The following PARP8 variants were observed in gnomAD, a reference collection of about 807,000 sequenced individuals.
The protein encoded by PARP8 is poly(ADP-ribose) polymerase family member 8.
In PARP8, 51 loss-of-function variants were observed where a neutral mutation model predicts 124.1. That is an observed-to-expected ratio of 0.41 (90% CI 0.33 to 0.52). PARP8 has a LOEUF of 0.52. Ranked by LOEUF, PARP8 falls within the 20% of genes least tolerant of loss-of-function variation. The pLI, the probability that PARP8 is intolerant of heterozygous loss-of-function variation, is 0.21. For synonymous variants in PARP8, 391 were observed against 361.5 expected, an observed-to-expected ratio of 1.08 and a Z score of -0.93; for missense variants, 860 against 1,018.9, an observed-to-expected ratio of 0.84 and a Z score of 2.12.
At chr5:50,820,717 C>G in intron 15 of PARP8, among the ~76,000 whole-genome samples, 1 of 152,202 alleles carries the variant, frequency 6.6e-6, no homozygotes, top group Non-Finnish European at 1.5e-5. Context: ...CTTCCTGACC[C>G]CGTACAGGTC....
At chr5:50,819,281 T>A (rs962759117) in intron 15 of PARP8, among the ~76,000 whole-genome samples, 13 of 152,132 alleles carry the variant, frequency 8.5e-5, no homozygotes, top group Admixed American at 2.0e-4. Context: ...AATATACTAG[T>A]AAAAATATTG....
In PARP8 at chr5:50,796,968, TTTGC is replaced by T; in HGVS notation, c.1429-11_1429-8del. The T allele has an allele frequency of 6.2e-7, 1 of 1,600,938 alleles. No homozygotes were observed. Among genetic ancestry groups the T allele is most frequent in the African/African-American group, 1.3e-5 (1 of 74,328 alleles). On this transcript the variant is annotated splice_polypyrimidine_tract_variant and intron_variant, in intron 12 of 25. Transcript: ENST00000281631. ...TAAAAAAATTATCATTTTTTTTTAC[TTTGC>T]TTTTTATAGCCAAATGGTGCAAAAT...
intron 21 of PARP8, among the ~76,000 whole-genome samples, chr5:50,828,660 G>T (rs368516083): frequency 6.6e-6 from 1 of 151,832 alleles, no homozygotes; most frequent in Non-Finnish European, 1.5e-5. Context: ...CGGGCAGATC[G>T]CTTGAGGCCA....
chr5:50,814,675 A>AATTC (rs1744886362), intron 14 of PARP8, among the ~76,000 whole-genome samples: 1 of 152,112 alleles, frequency 6.6e-6, no homozygotes, highest in African/African-American at 2.4e-5. Flanking sequence ...TGGCCTCTGA[A>AATTC]AGAAGTAAGC....
chr5:50,684,561 A>G (rs1751645904), intron 2 of PARP8, among the ~76,000 whole-genome samples: 4 of 152,076 alleles, frequency 2.6e-5, no homozygotes, highest in Admixed American at 1.3e-4. Context: ...ATGTCATAAA[A>G]AGGATAAAAT....
chr5:50,734,248 G>T (rs1197370247), intron 2 of PARP8, among the ~76,000 whole-genome samples: 1 of 151,798 alleles, frequency 6.6e-6, no homozygotes, highest in Non-Finnish European at 1.5e-5. Context: ...TCTCTTTTTT[G>T]GGGTTAGGAT....
chr5:50,829,943 A>C lies in PARP8; in HGVS notation c.2215A>C (p.Ile739Leu). Residue 739 changes from isoleucine to leucine, a missense_variant, in exon 22 of 26, where the codon ATA becomes CTA. By Grantham distance (5) the Ile-to-Leu change is conservative. Transcript: ENST00000281631. ...AATCTATCTTAGTCCAATGTCAAGC[A>C]TATCATTTGGTTACTCAGGTAATTC... ...SGIYLSPMSS[I>L]SFGYSGMNKK... 6.2e-7 allele frequency: 1 copy of C among 1,608,788 alleles called. No individual in the cohort carries two copies. The highest frequency in any genetic ancestry group is 8.5e-7 in the Non-Finnish European group (1 of 1,177,100).
chr5:50,781,334 G>C (rs570488929), intron 9 of PARP8, among the ~76,000 whole-genome samples: 1 of 149,216 alleles, frequency 6.7e-6, no homozygotes, highest in East Asian at 2.1e-4. Flanking sequence ...ATATCAATCA[G>C]TAATTGTCAA....
rs1032970040 is a variant in PARP8, at chr5:50,830,083, TA to T, written c.2233+125del. ...ATATATTTTTATTAAATTTGTTTGCTAAATGTCAAAAGCAAAAACAAAGCCC... is the reference window on the plus strand; with the variant it reads ...ATATATTTTTATTAAATTTGTTTGCTAATGTCAAAAGCAAAAACAAAGCCC... On this transcript the variant is annotated intron_variant, in intron 22 of 25. Coordinates refer to ENST00000281631, the MANE Select transcript of PARP8 (RefSeq NM_024615.4). 1.1e-5 allele frequency: 13 copies of T among 1,185,280 alleles called. No homozygotes were observed. In the African/African-American group the frequency reaches 1.9e-4, roughly 17 times the overall value. 73.4% of individuals were successfully genotyped at this position (1,185,280 alleles called of 1,614,324 possible). A position where few individuals can be genotyped will look rare whatever the true frequency, so the allele number is the denominator to read the frequency against.
At chr5:50,717,320 GA>G (rs1433123040) in intron 2 of PARP8, among the ~76,000 whole-genome samples, 1 of 151,846 alleles carries the variant, frequency 6.6e-6, no homozygotes, top group East Asian at 1.9e-4. Context: ...TGAGACTTAC[GA>G]TGGAATGGAC....
intron 7 of PARP8, among the ~76,000 whole-genome samples, chr5:50,774,414 C>T (rs372913191): frequency 9.4e-4 from 143 of 152,174 alleles, no homozygotes; most frequent in Middle Eastern, 3.4e-3. Context: ...GATTGCACAG[C>T]GGCCAGGCAG....
intron 10 of PARP8, among the ~76,000 whole-genome samples, chr5:50,790,421 G>T (rs1741815619): frequency 6.6e-6 from 1 of 152,058 alleles, no homozygotes; most frequent in Non-Finnish European, 1.5e-5. Context: ...GATGAGCATG[G>T]ATGGCATTAT....
intron 10 of PARP8, among the ~76,000 whole-genome samples, chr5:50,789,551 A>G (rs534073966): frequency 5.6e-4 from 85 of 152,324 alleles, no homozygotes; most frequent in African/African-American, 2.0e-3. Flanking sequence ...TTCTCTTTGA[A>G]CATAGAGTCT....
chr5:50,798,811 G>A (rs1021955801), intron 14 of PARP8, among the ~76,000 whole-genome samples: 6 of 152,084 alleles, frequency 3.9e-5, no homozygotes, highest in African/African-American at 1.4e-4. Flanking sequence ...AAAATATTTT[G>A]ATTTTCTGCT....
At chr5:50,690,730 A>C (rs1238855946) in intron 2 of PARP8, among the ~76,000 whole-genome samples, 1 of 152,184 alleles carries the variant, frequency 6.6e-6, no homozygotes, top group Admixed American at 6.6e-5. Context: ...GAAACTCAAC[A>C]GTGGCAATTG....
chr5:50,796,919 C>T (rs1742618009), intron 12 of PARP8, 63 bp from the exon 13 acceptor site: 1 of 1,375,588 alleles, frequency 7.3e-7, no homozygotes, highest in East Asian at 2.5e-5. Context: ...GAGTAAAAGC[C>T]TGTAATTTAT....
At chr5:50,793,321 A>C (rs1424161276) in intron 10 of PARP8, among the ~76,000 whole-genome samples, 1 of 152,196 alleles carries the variant, frequency 6.6e-6, no homozygotes, top group Non-Finnish European at 1.5e-5. Context: ...TGCATGCTTG[A>C]TGTTTAATTG....
At chr5:50,824,360 A>G (rs1746104802) in intron 17 of PARP8, among the ~76,000 whole-genome samples, 1 of 152,342 alleles carries the variant, frequency 6.6e-6, no homozygotes, top group African/African-American at 2.4e-5. Flanking sequence ...AGACTGCAGC[A>G]TAAACTGAGC....
Position 50,750,137 on chromosome 5 carries a change from GTTTGT to G in PARP8, c.147-10_147-6del, listed in dbSNP as rs776821432. Reference sequence around the variant, plus strand: ...GCAATAACTTGAGCCTTTTTTGTTTGTTTGTTTTAACAGTGTATCCTACTCAGTAC... The same window carrying G: ...GCAATAACTTGAGCCTTTTTTGTTTGTTTAACAGTGTATCCTACTCAGTAC... On this transcript the variant is annotated splice_polypyrimidine_tract_variant and intron_variant, in intron 2 of 25. Coordinates refer to ENST00000281631, the MANE Select transcript of PARP8 (RefSeq NM_024615.4). 7.7e-6 allele frequency: 12 copies of G among 1,555,820 alleles called. 1 individual carries two copies. The highest frequency in any genetic ancestry group is 1.8e-5 in the Admixed American group (1 of 55,314).
Sources: allele counts gnomAD v4.1 joint callset (sites outside exome capture counted in the v4.1 genomes callset), GRCh38; gene constraint gnomAD v4.1.1; transcripts MANE v1.5; gene names NCBI Gene and HGNC (gene_info 2026-07-23, HGNC 2026-07-21).